The following ACSL6 variants were observed in gnomAD, a reference collection of about 807,000 sequenced individuals.
The protein encoded by ACSL6 is acyl-CoA synthetase long chain family member 6, also known as long-chain-fatty-acid--CoA ligase 6.
Under a neutral mutation model 98.2 loss-of-function variants are expected in ACSL6, and 47 were observed. The observed-to-expected ratio is 0.48, with a 90% CI of 0.38 to 0.61. ACSL6 has a LOEUF of 0.61. Ranked by LOEUF, ACSL6 falls within the 20% of genes least tolerant of loss-of-function variation. The pLI is 0.00. For missense variants in ACSL6, 761 were observed against 913.4 expected (o/e 0.83, Z 2.15); for synonymous variants, 362 against 336.9 (o/e 1.07, Z -0.82).
chr5:131,968,660 G>A (rs1753149626), intron 15 of ACSL6, among the ~76,000 whole-genome samples: 2 of 152,122 alleles, frequency 1.3e-5, no homozygotes, highest in Admixed American at 1.3e-4. Flanking sequence ...AATTCTCTTG[G>A]TCAAATTTAC....
chr5:131,981,461 T>C (rs1290996393), intron 9 of ACSL6, among the ~76,000 whole-genome samples: 3 of 125,408 alleles, frequency 2.4e-5, no homozygotes, highest in East Asian at 5.3e-4. Context: ...GATCAAGACA[T>C]AGAACATCAA....
At chr5:131,968,528 T>C (rs1753141064) in intron 15 of ACSL6, among the ~76,000 whole-genome samples, 1 of 152,186 alleles carries the variant, frequency 6.6e-6, no homozygotes, top group African/African-American at 2.4e-5. Flanking sequence ...GAATGGGGCC[T>C]GAGATTCGAC....
intron 17 of ACSL6, among the ~76,000 whole-genome samples, chr5:131,965,679 G>A (rs965400928): frequency 1.3e-5 from 2 of 152,144 alleles, no homozygotes; most frequent in African/African-American, 4.8e-5. Context: ...TCAAGATCTC[G>A]TCACTGCACT....
intron 1 of ACSL6, among the ~76,000 whole-genome samples, chr5:131,996,452 A>T (rs1754797331): frequency 6.6e-6 from 1 of 152,208 alleles, no homozygotes; most frequent in Non-Finnish European, 1.5e-5. Context: ...CATGCTCACC[A>T]ACTCGTAGGG....
In ACSL6 at chr5:131,954,251, A is replaced by G. The variant is rs1752282920; in HGVS notation, c.2152T>C (p.Tyr718His). ...CTTGAACTTCACATGGAGATTGAGT[A>G]AAGCTCTTCTATTTGTTTTTTGAAG... ...EYFKKQIEELYSISM is the reference protein window; with the variant it reads ...EYFKKQIEELHSISM The change falls in exon 21 of 21, where the codon TAC becomes CAC. Residue 718 changes from tyrosine (Y) to histidine (H), a missense_variant. Physicochemically the swap from Tyr to His is moderately conservative, Grantham distance 83 (BLOSUM62 2). Transcript: ENST00000651883. 1 of 1,613,430 alleles carries G rather than the reference A, an allele frequency of 6.2e-7. No homozygotes were observed. The highest frequency in any genetic ancestry group is 8.5e-7 in the Non-Finnish European group (1 of 1,179,790).
chr5:131,985,488 G>A (rs762872575), intron 8 of ACSL6, 30 bp from the exon 9 acceptor site: 2 of 1,612,684 alleles, frequency 1.2e-6, no homozygotes, highest in South Asian at 1.1e-5. Context: ...AGTGTGTTAG[G>A]GAGACCCAGT....
intron 1 of ACSL6, among the ~76,000 whole-genome samples, chr5:132,004,336 A>G (rs1220756928): frequency 6.6e-6 from 1 of 151,460 alleles, no homozygotes; most frequent in East Asian, 1.9e-4. Context: ...TGGAGCATGG[A>G]TGCCACTCAG....
intron 4 of ACSL6, 72 bp from the exon 5 acceptor site, chr5:131,989,580 ATTCTTTTT>A: frequency 1.7e-5 from 7 of 407,678 alleles, no homozygotes; most frequent in Non-Finnish European, 2.6e-5. Flanking sequence ...CCCAGGAGGA[ATTCTTTTT>A]TTTTTTTTTT....
At position 131,970,130 on chromosome 5, in the gene ACSL6, G is replaced by A; in HGVS notation, c.1505C>T (p.Ser502Leu). 2.5e-6 allele frequency: 4 copies of A among 1,614,104 alleles called. No individual in the cohort carries two copies. The highest frequency in any genetic ancestry group is 3.4e-6 in the Non-Finnish European group (4 of 1,180,004). Residue 502 changes from serine to leucine, a missense_variant and splice_region_variant, in exon 15 of 21, where the codon TCA becomes TTA. Ser to Leu is a moderately radical substitution (Grantham distance 145). Transcript: ENST00000651883. ...CCTATATCTCTAGCCCATCCTACCTGAGGTCCAGTCGCCAGGAGTGGTGAA... is the reference window on the plus strand; with the variant it reads ...CCTATATCTCTAGCCCATCCTACCTAAGGTCCAGTCGCCAGGAGTGGTGAA... ...CTFTTPGDWT[S>L]GHVGAPLPCN... is the part of the protein sequence containing the mutation.
chr5:132,000,127 G>A (rs1230846744), intron 1 of ACSL6, among the ~76,000 whole-genome samples: 4 of 151,782 alleles, frequency 2.6e-5, no homozygotes, highest in African/African-American at 9.7e-5. Flanking sequence ...CCCAGGGGCT[G>A]CCTCTGCTCC....
At chr5:132,003,304 C>T (rs983997281) in intron 1 of ACSL6, among the ~76,000 whole-genome samples, 3 of 152,206 alleles carry the variant, frequency 2.0e-5, no homozygotes, top group Non-Finnish European at 2.9e-5. Context: ...GGCGGCACAG[C>T]AGCTGCAGCC....
Position 131,972,868 on chromosome 5 carries a change from A to G in ACSL6, c.1204-10T>C, listed in dbSNP as rs1256062805. 8 of 1,614,178 alleles carry G rather than the reference A, an allele frequency of 5.0e-6. No homozygotes were observed. The South Asian group carries it at 6.6e-5, about 13-fold the overall frequency. On this transcript the variant is annotated splice_polypyrimidine_tract_variant and intron_variant, in intron 12 of 20. Transcript: ENST00000651883. ...TTGCCTGGCTGAAGATCTGAGGAAC[A>G]TAAGTTGGAAGCAGCTGTCAGAGCC...
At chr5:131,959,997 C>A (rs774678320) in intron 19 of ACSL6, among the ~76,000 whole-genome samples, 1 of 152,162 alleles carries the variant, frequency 6.6e-6, no homozygotes, top group African/African-American at 2.4e-5. Context: ...CACAGCATGG[C>A]GACCTCCTCC....
In ACSL6 at chr5:131,967,942, C is replaced by T. The variant is rs749989718; in HGVS notation, c.1594G>A (p.Glu532Lys). 1.2e-6 allele frequency: 2 copies of T among 1,613,928 alleles called. No individual in the cohort carries two copies. Among genetic ancestry groups the T allele is most frequent in the Non-Finnish European group, 1.7e-6 (2 of 1,179,832 alleles). The part of the protein sequence containing the change: ...LNYWACKGEG[E>K]ICVRGPNVFK... ...TGAATGGCTAAATCCTTGTTTACCT[C>T]TCCCTCTCCTTTGCAGGCCCAGTAG... is the stretch of plus-strand genomic sequence containing the variant. Residue 532 changes from glutamate (E) to lysine (K), a missense_variant and splice_region_variant, in exon 16 of 21, where the codon GAG becomes AAG. By Grantham distance (56) the Glu-to-Lys change is moderately conservative. Coordinates refer to ENST00000651883, the MANE Select transcript of ACSL6 (RefSeq NM_001009185.3).
Position 132,011,407 on chromosome 5 carries a change from G to T in ACSL6, c.49+98C>A. On this transcript the variant is annotated intron_variant, in intron 1 of 20. Coordinates refer to ENST00000651883, the MANE Select transcript of ACSL6 (RefSeq NM_001009185.3). The surrounding 1 kb of genome is among the most constrained non-coding windows in gnomAD (Gnocchi z 5.4). Reference sequence around the variant, plus strand: ...GACAGCTCAGCAGCAGGGGATGGGGGCTCGGCGGCCGCGGAGATGTAACAC... The same window carrying T: ...GACAGCTCAGCAGCAGGGGATGGGGTCTCGGCGGCCGCGGAGATGTAACAC... 1 of 1,315,126 alleles carries T rather than the reference G, an allele frequency of 7.6e-7. No individual in the cohort carries two copies. Among genetic ancestry groups the T allele is most frequent in the Non-Finnish European group, 1.1e-6 (1 of 920,602 alleles). The allele number at this position is 1,315,126 out of a possible 1,614,324, so 81.5% of individuals were successfully genotyped here.
chr5:131,987,703 G>A (rs73786739), intron 7 of ACSL6, among the ~76,000 whole-genome samples: 1,692 of 152,328 alleles, frequency 0.011, 23 homozygotes, highest in African/African-American at 0.037. Flanking sequence ...ACCTATGTCT[G>A]TAGTCCTCAG....
At chr5:131,977,323 C>G (rs760338986) in intron 9 of ACSL6, among the ~76,000 whole-genome samples, 4 of 152,110 alleles carry the variant, frequency 2.6e-5, no homozygotes, top group African/African-American at 4.8e-5. Context: ...TTCTCTGGGC[C>G]CTTGAGGAAG....
At position 131,973,305 on chromosome 5, in the gene ACSL6, G is replaced by C. The variant is rs752563034; in HGVS notation, c.1164C>G (p.Phe388Leu). Residue 388 changes from phenylalanine to leucine, a missense_variant, in exon 12 of 21, where the codon TTC (phenylalanine) becomes TTG (leucine). Transcript: ENST00000651883. The part of the protein sequence containing the change: ...DDMKALCPTI[F>L]PVVPRLLNRM... ...GGTTCAGCAGTCGTGGGACCACAGG[G>C]AAGATGGTGGGGCATAGAGCCTTCA... The C allele has an allele frequency of 6.2e-6, 10 of 1,614,086 alleles. No homozygotes were observed. The highest frequency in any genetic ancestry group is 8.5e-6 in the Non-Finnish European group (10 of 1,180,044).
rs1752947279 is a variant in ACSL6, at chr5:131,965,159, T to C, written c.1713+1257A>G. Among the ~76,000 whole-genome samples, 3 of 152,164 alleles carry C rather than the reference T, an allele frequency of 2.0e-5. No individual in the cohort carries two copies. In the South Asian group the frequency reaches 6.2e-4, roughly 32 times the overall value. ...CCAGCCCACTCAGCCTGCCTTGGGCTCAACATCATTCACGTGCCTCATTAA... is the reference window on the plus strand; with the variant it reads ...CCAGCCCACTCAGCCTGCCTTGGGCCCAACATCATTCACGTGCCTCATTAA... On this transcript the variant is annotated intron_variant, in intron 17 of 20. Coordinates refer to ENST00000651883, the MANE Select transcript of ACSL6 (RefSeq NM_001009185.3).
Sources: gnomAD v4.1 joint callset for allele counts (sites outside exome capture counted in the v4.1 genomes callset) on GRCh38, gnomAD v4.1.1 for gene constraint, Gnocchi (gnomAD v3.1) non-coding constraint, MANE v1.5 for transcripts, NCBI Gene and HGNC (gene_info 2026-07-23, HGNC 2026-07-21) for gene names.